The following KCNIP4 variants were observed in gnomAD, a reference collection of about 807,000 sequenced individuals.
KCNIP4 encodes Kv channel-interacting protein 4.
Under a neutral mutation model 34.0 loss-of-function variants are expected in KCNIP4, and 12 were observed. The observed-to-expected ratio is 0.35, with a 90% CI of 0.23 to 0.57. KCNIP4 has a LOEUF of 0.57. KCNIP4 is among the 20% of genes least tolerant of loss of function. The pLI is 0.83. For synonymous variants in KCNIP4, 124 were observed against 102.2 expected (o/e 1.21, Z -1.29); for missense variants, 238 against 311.7 (o/e 0.76, Z 1.78).
intron 1 of KCNIP4, among the ~76,000 whole-genome samples, chr4:21,349,410 C>T (rs942119896): frequency 3.3e-5 from 5 of 152,098 alleles, no homozygotes; most frequent in Non-Finnish European, 4.4e-5. Flanking sequence ...AGAGGAGTCG[C>T]TGGAGACACT....
At chr4:21,032,869 T>C (rs1017346491) in intron 1 of KCNIP4, among the ~76,000 whole-genome samples, 25 of 152,196 alleles carry the variant, frequency 1.6e-4, no homozygotes, top group African/African-American at 5.3e-4. Flanking sequence ...AGATTTCACA[T>C]CAGGTGAGAC....
intron 1 of KCNIP4, among the ~76,000 whole-genome samples, chr4:21,639,876 T>C (rs891694185): frequency 2.0e-5 from 3 of 152,200 alleles, no homozygotes; most frequent in African/African-American, 4.8e-5. Context: ...ATTAATCATA[T>C]GACTTCCATC....
At chr4:21,515,247 C>T (rs111773349) in intron 1 of KCNIP4, among the ~76,000 whole-genome samples, 34 of 152,278 alleles carry the variant, frequency 2.2e-4, no homozygotes, top group African/African-American at 7.2e-4. Context: ...CTGCCATACT[C>T]ATTGCATTTA....
chr4:21,647,517 A>C (rs141945569), intron 1 of KCNIP4, among the ~76,000 whole-genome samples: 1 of 152,160 alleles, frequency 6.6e-6, no homozygotes, highest in Non-Finnish European at 1.5e-5. Context: ...AAAAAGACCT[A>C]CTCCTACAGA....
At chr4:21,896,243 A>T (rs1727378844) in intron 1 of KCNIP4, among the ~76,000 whole-genome samples, 1 of 152,226 alleles carries the variant, frequency 6.6e-6, no homozygotes, top group Non-Finnish European at 1.5e-5. Context: ...CTTAGAATGT[A>T]CACTTTCATA....
At chr4:21,388,985 TG>T (rs1393749549) in intron 1 of KCNIP4, among the ~76,000 whole-genome samples, 4 of 59,376 alleles carry the variant, frequency 6.7e-5, no homozygotes, top group African/African-American at 1.4e-4. Context: ...TATATTGTCT[TG>T]TTTTTTTTTT....
intron 1 of KCNIP4, among the ~76,000 whole-genome samples, chr4:21,108,362 T>G (rs990046809): frequency 2.0e-5 from 3 of 150,852 alleles, no homozygotes; most frequent in South Asian, 2.1e-4. Context: ...CTTCCATCAC[T>G]GATACCCTTT....
In KCNIP4 at chr4:21,668,652, G is replaced by T. The variant is rs530012677; in HGVS notation, c.61+279919C>A. 9.7e-4 allele frequency among the ~76,000 whole-genome samples: 148 copies of T among 152,152 alleles called. 1 individual carries two copies. Among genetic ancestry groups the T allele is most frequent in the Middle Eastern group, 3.4e-3 (1 of 294 alleles). Reference sequence around the variant, plus strand: ...TATGCAATATATACAATTCTAACATGTTAATGAGAGCTAAAACTTTCTTTG... The same window carrying T: ...TATGCAATATATACAATTCTAACATTTTAATGAGAGCTAAAACTTTCTTTG... On this transcript the variant is annotated intron_variant, in intron 1 of 8. Transcript: ENST00000382152.
chr4:20,743,413 A>G (rs969437388), intron 5 of KCNIP4, among the ~76,000 whole-genome samples: 1 of 152,210 alleles, frequency 6.6e-6, no homozygotes, highest in Non-Finnish European at 1.5e-5. Context: ...TACTGGTACC[A>G]AAACAGAGAT....
chr4:20,965,828 C>T (rs746031609), intron 1 of KCNIP4, among the ~76,000 whole-genome samples: 3 of 152,074 alleles, frequency 2.0e-5, no homozygotes, highest in Non-Finnish European at 2.9e-5. Flanking sequence ...ATTGTTGATG[C>T]ATTGTAGAAG....
At chr4:20,746,423 G>T (rs1460129307) in intron 5 of KCNIP4, among the ~76,000 whole-genome samples, 1 of 151,988 alleles carries the variant, frequency 6.6e-6, no homozygotes, top group Non-Finnish European at 1.5e-5. Context: ...CCTAATGTAG[G>T]TGATGAGTTG....
At chr4:21,377,544 T>G (rs1158884781) in intron 1 of KCNIP4, among the ~76,000 whole-genome samples, 1 of 152,202 alleles carries the variant, frequency 6.6e-6, no homozygotes, top group Non-Finnish European at 1.5e-5. Context: ...GTGTATCAAT[T>G]CTTTTTGTAT....
intron 1 of KCNIP4, among the ~76,000 whole-genome samples, chr4:21,005,959 T>C (rs1738518390): frequency 6.6e-6 from 1 of 152,228 alleles, no homozygotes; most frequent in African/African-American, 2.4e-5. Flanking sequence ...TTAAAAATAA[T>C]GTTTATTCTT....
intron 1 of KCNIP4, among the ~76,000 whole-genome samples, chr4:21,445,725 A>G (rs536829141): frequency 1.3e-5 from 2 of 152,370 alleles, no homozygotes; most frequent in Admixed American, 1.3e-4. Context: ...CAAAGACTTC[A>G]TGTCTAAAAC....
intron 1 of KCNIP4, among the ~76,000 whole-genome samples, chr4:21,777,944 T>A (rs1051235002): frequency 1.3e-5 from 2 of 152,116 alleles, no homozygotes; most frequent in Non-Finnish European, 2.9e-5. Context: ...TTGACTATAA[T>A]CATATAATCT....
intron 1 of KCNIP4, among the ~76,000 whole-genome samples, chr4:21,476,902 T>C (rs1488702220): frequency 6.6e-6 from 1 of 152,098 alleles, no homozygotes; most frequent in Non-Finnish European, 1.5e-5. Flanking sequence ...CTTGGCTCCG[T>C]CCTTGCTTAC....
At chr4:21,100,918 G>A (rs928063767) in intron 1 of KCNIP4, among the ~76,000 whole-genome samples, 61 of 151,360 alleles carry the variant, frequency 4.0e-4, no homozygotes, top group Non-Finnish European at 6.3e-4. Flanking sequence ...ATGATTGTTT[G>A]TGTGTGTATG....
At chr4:21,429,630 C>A (rs941640490) in intron 1 of KCNIP4, among the ~76,000 whole-genome samples, 1 of 152,208 alleles carries the variant, frequency 6.6e-6, no homozygotes, top group Admixed American at 6.5e-5. Flanking sequence ...TGTTGCTCCA[C>A]ATCCTCAACA....
intron 1 of KCNIP4, among the ~76,000 whole-genome samples, chr4:21,415,370 T>A (rs996943239): frequency 2.0e-5 from 3 of 152,028 alleles, no homozygotes; most frequent in African/African-American, 7.2e-5. Context: ...GCTTTAGAGA[T>A]CTGTTGTACA....
Sources: allele counts gnomAD v4.1 joint callset (sites outside exome capture counted in the v4.1 genomes callset), GRCh38; gene constraint gnomAD v4.1.1; transcripts MANE v1.5; gene names NCBI Gene and HGNC (gene_info 2026-07-23, HGNC 2026-07-21).